Variants in PXDNL observed in about 807,000 individuals in gnomAD.
PXDNL encodes probable oxidoreductase PXDNL.
Under a neutral mutation model 150.8 loss-of-function variants are expected in PXDNL, and 145 were observed. The ratio of observed to expected loss-of-function variants is 0.96; its 90% CI spans 0.84 to 1.10. PXDNL has a LOEUF of 1.10. PXDNL is among the 50% of genes least tolerant of loss of function. The probability of loss-of-function intolerance (pLI) is 0.00; values close to 1 mark genes in which losing one functional copy is unlikely to be tolerated. For missense variants in PXDNL, 2,087 were observed against 1,873.9 expected (o/e 1.11, Z -2.10); for synonymous variants, 757 against 725.7 (o/e 1.04, Z -0.69).
chr8:51,773,592 T>C (rs1009251175), intron 1 of PXDNL, among the ~76,000 whole-genome samples: 2 of 152,204 alleles, frequency 1.3e-5, no homozygotes, highest in African/African-American at 2.4e-5. Context: ...CAAGCTTCCA[T>C]CTCAGGAAAC....
At chr8:51,341,061 A>G (rs1437632680) in intron 20 of PXDNL, among the ~76,000 whole-genome samples, 6 of 152,190 alleles carry the variant, frequency 3.9e-5, no homozygotes, top group Admixed American at 3.3e-4. Context: ...GGTATTCACA[A>G]TTTAACAAAT....
At chr8:51,524,288 G>A (rs1416659056) in intron 4 of PXDNL, among the ~76,000 whole-genome samples, 3 of 151,964 alleles carry the variant, frequency 2.0e-5, no homozygotes, top group Non-Finnish European at 2.9e-5. Context: ...GCACATAATA[G>A]GTATACAATA....
In PXDNL at chr8:51,409,241, G is replaced by A. The variant is rs1344867974; in HGVS notation, c.2383C>T (p.Pro795Ser). Residue 795 changes from proline (P) to serine (S), a missense_variant, in exon 17 of 23, where the codon CCC (proline) becomes TCC (serine). Transcript: ENST00000356297. The stretch of plus-strand genomic sequence containing the variant: ...AGCATGCGCGTGTAGCTGTGGTCGG[G>A]GGTGACGGCCGCCGCGCGCGCCCAC... ...TVWARAAAVT[P>S]DHSYTRMLMH... The A allele has an allele frequency of 1.3e-6, 2 of 1,524,614 alleles. No homozygotes were observed. Among genetic ancestry groups the A allele is most frequent in the East Asian group, 4.8e-5 (2 of 41,414 alleles). The allele number at this position is 1,524,614 out of a possible 1,614,324, so 94.4% of individuals were successfully genotyped here. A position where few individuals can be genotyped will look rare whatever the true frequency, so the allele number is the denominator to read the frequency against.
intron 17 of PXDNL, among the ~76,000 whole-genome samples, chr8:51,387,224 A>C (rs1300321874): frequency 6.6e-6 from 1 of 152,268 alleles, no homozygotes; most frequent in Non-Finnish European, 1.5e-5. Context: ...AAAATTATGC[A>C]GTTATAAAAA....
chr8:51,800,606 G>T (rs746869435), intron 1 of PXDNL, among the ~76,000 whole-genome samples: 2 of 152,158 alleles, frequency 1.3e-5, no homozygotes, highest in African/African-American at 4.8e-5. Context: ...CTGGAGCCAC[G>T]GCAGAGGAAC....
At chr8:51,457,414 T>C in intron 9 of PXDNL, 84 bp downstream of exon 9, 1 of 1,078,856 alleles carries the variant, frequency 9.3e-7, no homozygotes, top group Non-Finnish European at 1.3e-6. Context: ...AGTTTCACTT[T>C]GAAGTATTAC....
chr8:51,479,853 T>C (rs531314898), intron 6 of PXDNL, among the ~76,000 whole-genome samples: 35 of 152,282 alleles, frequency 2.3e-4, no homozygotes, highest in Admixed American at 1.6e-3. Flanking sequence ...CTTGTACCCC[T>C]TTACAGATAG....
chr8:51,449,651 C>T (rs368350855), intron 10 of PXDNL, among the ~76,000 whole-genome samples: 1 of 152,108 alleles, frequency 6.6e-6, no homozygotes, highest in African/African-American at 2.4e-5. Flanking sequence ...TGTATTATTG[C>T]TTTTGTATAA....
At chr8:51,340,717 C>A (rs1383433588) in intron 20 of PXDNL, among the ~76,000 whole-genome samples, 1 of 152,166 alleles carries the variant, frequency 6.6e-6, no homozygotes. Flanking sequence ...TTACCAACAG[C>A]AGTAGTTTAG....
chr8:51,625,394 G>A (rs995371735), intron 2 of PXDNL, among the ~76,000 whole-genome samples: 11 of 152,178 alleles, frequency 7.2e-5, no homozygotes, highest in Non-Finnish European at 1.0e-4. Flanking sequence ...GCAAATATTA[G>A]TAAATAGAAT....
At chr8:51,416,999 G>A (rs1808816630) in intron 14 of PXDNL, among the ~76,000 whole-genome samples, 1 of 152,006 alleles carries the variant, frequency 6.6e-6, no homozygotes, top group Admixed American at 6.5e-5. Context: ...GTGTTGTTTT[G>A]TTTGATTTGG....
At chr8:51,440,242 G>A (rs938027594) in intron 12 of PXDNL, among the ~76,000 whole-genome samples, 1 of 152,044 alleles carries the variant, frequency 6.6e-6, no homozygotes, top group Non-Finnish European at 1.5e-5. Flanking sequence ...GATGAAAAGA[G>A]ATAATAATGA....
At chr8:51,662,172 G>A (rs577894498) in intron 1 of PXDNL, among the ~76,000 whole-genome samples, 3 of 152,182 alleles carry the variant, frequency 2.0e-5, no homozygotes, top group South Asian at 2.1e-4. Flanking sequence ...CCTTATTTTC[G>A]GGTCTGCAGA....
intron 1 of PXDNL, among the ~76,000 whole-genome samples, chr8:51,697,208 G>T (rs1294397412): frequency 6.8e-6 from 1 of 147,350 alleles, no homozygotes; most frequent in Non-Finnish European, 1.5e-5. Context: ...GGAGGCTGAG[G>T]TAGGAGAATC....
At chr8:51,733,874 A>T (rs186303046) in intron 1 of PXDNL, among the ~76,000 whole-genome samples, 316 of 146,178 alleles carry the variant, frequency 2.2e-3, no homozygotes, top group Non-Finnish European at 3.9e-3. Flanking sequence ...GATATATTTT[A>T]TATATATTAC....
intron 2 of PXDNL, among the ~76,000 whole-genome samples, chr8:51,594,590 A>G (rs1169585774): frequency 6.6e-6 from 1 of 152,226 alleles, no homozygotes; most frequent in Non-Finnish European, 1.5e-5. Context: ...CATAACCTAA[A>G]GTATGAGATC....
intron 19 of PXDNL, among the ~76,000 whole-genome samples, chr8:51,351,661 C>T (rs1011299697): frequency 1.3e-5 from 2 of 152,194 alleles, no homozygotes; most frequent in African/African-American, 4.8e-5. Flanking sequence ...ATGCAGGACT[C>T]CTGGCACAGG....
intron 2 of PXDNL, among the ~76,000 whole-genome samples, chr8:51,646,656 C>A (rs1168794606): frequency 1.3e-5 from 2 of 152,088 alleles, no homozygotes; most frequent in African/African-American, 4.8e-5. Context: ...TGAGAAATGA[C>A]AACACTTCTA....
intron 17 of PXDNL, among the ~76,000 whole-genome samples, chr8:51,400,008 A>G (rs1223333569): frequency 6.6e-6 from 1 of 152,248 alleles, no homozygotes; most frequent in African/African-American, 2.4e-5. Context: ...AAAATAATCT[A>G]TCATAGTACT....
Sources: gnomAD v4.1 joint callset for allele counts (sites outside exome capture counted in the v4.1 genomes callset) on GRCh38, gnomAD v4.1.1 for gene constraint, MANE v1.5 for transcripts, NCBI Gene and HGNC (gene_info 2026-07-23, HGNC 2026-07-21) for gene names.